The following SETD2 variants were observed in gnomAD, a reference collection of about 807,000 sequenced individuals.
SETD2 encodes the protein histone-lysine N-methyltransferase SETD2.
Under a neutral mutation model 242.1 loss-of-function variants are expected in SETD2, and 31 were observed. The ratio of observed to expected loss-of-function variants is 0.13; its 90% CI spans 0.10 to 0.17. SETD2 has a LOEUF of 0.17. SETD2 is among the 10% of genes least tolerant of loss of function. The pLI, the probability that SETD2 is intolerant of heterozygous loss-of-function variation, is 1.00. For synonymous variants in SETD2, 1,006 were observed against 1,066.5 expected (o/e 0.94, Z 1.11); for missense variants, 2,481 against 3,046.3 (o/e 0.81, Z 4.37).
chr3:47,038,130 T>A (rs534969391), intron 17 of SETD2, among the ~76,000 whole-genome samples: 1 of 152,322 alleles, frequency 6.6e-6, no homozygotes, highest in South Asian at 2.1e-4. Flanking sequence ...CCTGCCTATG[T>A]CACCCCTCTG....
intron 18 of SETD2, among the ~76,000 whole-genome samples, chr3:47,033,050 T>A (rs1431287170): frequency 6.6e-5 from 10 of 152,144 alleles, no homozygotes; most frequent in African/African-American, 1.2e-4. Context: ...AAAAAAAAAT[T>A]CAAAGGTTTC....
In SETD2 at chr3:47,114,196, T is replaced by C. The variant is rs1378323279; in HGVS notation, c.4587-192A>G. Among the ~76,000 whole-genome samples, 5 of 152,344 alleles carry C rather than the reference T, an allele frequency of 3.3e-5. No homozygotes were observed. In the East Asian group the frequency reaches 9.7e-4, roughly 29 times the overall value. The stretch of plus-strand genomic sequence containing the variant: ...GATTCCTTAGAACTGAGTATCTACA[T>C]TGTTACTTAAACAGATCATACCCAC... On this transcript the variant is annotated intron_variant, in intron 4 of 20. Coordinates refer to ENST00000409792, the MANE Select transcript of SETD2 (RefSeq NM_014159.7).
chr3:47,029,703 TTGGGGGTATTTGCTTAA>T lies in SETD2; in HGVS notation c.7350+7946_7350+7962del, dbSNP rs1227577641. Among the ~76,000 whole-genome samples the T allele has an allele frequency of 1.0e-3, 158 of 152,272 alleles. 1 individual carries two copies. Among genetic ancestry groups the T allele is most frequent in the African/African-American group, 3.5e-3 (146 of 41,564 alleles). On this transcript the variant is annotated intron_variant, in intron 18 of 20. Coordinates refer to ENST00000409792, the MANE Select transcript of SETD2 (RefSeq NM_014159.7). The stretch of plus-strand genomic sequence containing the variant: ...CTACAATAAAGCTACAAACTATGAT[TTGGGGGTATTTGCTTAA>T]GTATGAGATACTTGATAGGGGCTTT...
chr3:47,143,601 G>GTA (rs1464605230), intron 1 of SETD2, among the ~76,000 whole-genome samples: 1 of 152,090 alleles, frequency 6.6e-6, no homozygotes, highest in Non-Finnish European at 1.5e-5. Flanking sequence ...AATACTAACA[G>GTA]TATATAACTG....
intron 18 of SETD2, among the ~76,000 whole-genome samples, chr3:47,022,591 A>G (rs1466547963): frequency 6.6e-6 from 1 of 152,228 alleles, no homozygotes; most frequent in Non-Finnish European, 1.5e-5. Context: ...CCAGATCCTC[A>G]GCAATAAACA....
intron 1 of SETD2, among the ~76,000 whole-genome samples, chr3:47,144,858 C>T (rs928181237): frequency 4.0e-5 from 6 of 148,412 alleles, no homozygotes; most frequent in African/African-American, 7.5e-5. Flanking sequence ...GGCTGAGGTA[C>T]GAGAATCGCT....
chr3:47,116,149 G>GGGCCGGGCGCGGTGGC (rs2042844749), intron 4 of SETD2, among the ~76,000 whole-genome samples: 1 of 152,050 alleles, frequency 6.6e-6, no homozygotes, highest in Non-Finnish European at 1.5e-5. Flanking sequence ...GATTTTATCT[G>GGGCCGGGCGCGGTGGC]TATACATAAA....
chr3:47,059,483 A>ACG (rs2040242885), intron 14 of SETD2, among the ~76,000 whole-genome samples: 1 of 135,138 alleles, frequency 7.4e-6, no homozygotes, highest in Admixed American at 7.4e-5. Context: ...GCAGTGGCGT[A>ACG]ATCTCAGCTC....
chr3:47,126,152 C>G (rs2043319983), intron 2 of SETD2, among the ~76,000 whole-genome samples: 1 of 152,186 alleles, frequency 6.6e-6, no homozygotes, highest in Non-Finnish European at 1.5e-5. Context: ...GCCTCAGTCT[C>G]CTGAGTAGCT....
intron 1 of SETD2, among the ~76,000 whole-genome samples, chr3:47,156,222 AAATTTAT>A (rs1474397302): frequency 6.6e-6 from 1 of 152,214 alleles, no homozygotes; most frequent in Admixed American, 6.5e-5. Flanking sequence ...AGGGTTGAGA[AAATTTAT>A]TACAAATATC....
At chr3:47,026,679 T>A (rs1313724945) in intron 18 of SETD2, among the ~76,000 whole-genome samples, 1 of 147,728 alleles carries the variant, frequency 6.8e-6, no homozygotes, top group African/African-American at 2.5e-5. Context: ...CTGGAGACCA[T>A]CATTCTCAGC....
At position 47,117,288 on chromosome 3, in the gene SETD2, A is replaced by G. The variant is rs867251044; in HGVS notation, c.4455-534T>C. ...AAAAAAAAAAAAAAAAAACAAACAA[A>G]AAAAAAAACATGAGAAGGGCAACCT... is the stretch of plus-strand genomic sequence containing the variant. On this transcript the variant is annotated intron_variant, in intron 3 of 20. Transcript: ENST00000409792. Among the ~76,000 whole-genome samples, 6 of 147,334 alleles carry G rather than the reference A, an allele frequency of 4.1e-5. No homozygotes were observed. In the East Asian group the frequency reaches 1.2e-3, roughly 29 times the overall value.
At position 47,083,882 on chromosome 3, in the gene SETD2, G is replaced by A. The variant is rs766676601; in HGVS notation, c.5898C>T (p.Asn1966=). ...TAATAGGTTCTTCTAGTTTTGTGCC[G>A]TTGCTCTCTTTGGGCTCTATTTCAG... The part of the protein sequence containing the change: ...ADAEIEPKES[N]GTKLEEPINE... Residue 1966 remains asparagine (N), a synonymous_variant, in exon 12 of 21, where the codon AAC becomes AAT. Coordinates refer to ENST00000409792, the MANE Select transcript of SETD2 (RefSeq NM_014159.7). 17 of 1,613,982 alleles carry A rather than the reference G, an allele frequency of 1.1e-5. No individual in the cohort carries two copies. Among genetic ancestry groups the A allele is most frequent in the East Asian group, 6.7e-5 (3 of 44,890 alleles).
At chr3:47,020,956 C>G (rs1027481315) in intron 18 of SETD2, among the ~76,000 whole-genome samples, 1 of 152,124 alleles carries the variant, frequency 6.6e-6, no homozygotes, top group Non-Finnish European at 1.5e-5. Flanking sequence ...AAAAGCTTTA[C>G]GTATTTTCTA....
At chr3:47,068,651 C>T (rs1428776004) in intron 12 of SETD2, among the ~76,000 whole-genome samples, 1 of 152,110 alleles carries the variant, frequency 6.6e-6, no homozygotes, top group East Asian at 1.9e-4. Context: ...CACACACCAC[C>T]ATGCCCAGCT....
chr3:47,034,980 A>C lies in SETD2; in HGVS notation c.7350+2686T>G, dbSNP rs189412771. 2.0e-5 allele frequency among the ~76,000 whole-genome samples: 3 copies of C among 152,336 alleles called. No individual in the cohort carries two copies. In the East Asian group the frequency reaches 5.8e-4, roughly 29 times the overall value. ...ATTCAGGCATTGCCTTTTGGATATAATACTTTCAAGAGCCTACTCCCCAGG... is the reference window on the plus strand; with the variant it reads ...ATTCAGGCATTGCCTTTTGGATATACTACTTTCAAGAGCCTACTCCCCAGG... On this transcript the variant is annotated intron_variant, in intron 18 of 20. Transcript: ENST00000409792.
At chr3:47,129,182 A>AAAAAG (rs957483599) in intron 1 of SETD2, among the ~76,000 whole-genome samples, 53 of 152,218 alleles carry the variant, frequency 3.5e-4, no homozygotes, top group Admixed American at 1.3e-3. Flanking sequence ...GAAGTGTTTA[A>AAAAAG]AAAAGAAAAG....
At chr3:47,100,966 C>A (rs1462736478) in intron 8 of SETD2, among the ~76,000 whole-genome samples, 2 of 139,082 alleles carry the variant, frequency 1.4e-5, no homozygotes, top group African/African-American at 5.5e-5. Context: ...GCCAAGATCA[C>A]GCCACTGCAC....
In SETD2 at chr3:47,042,668, A is replaced by G. The variant is rs761683828; in HGVS notation, c.7131T>C (p.Asp2377=). ...SEMVVTNNLL[D]LPPPSPPKPK... ...GTTTGGGAGGAGAGGGGGGCGGCAG[A>G]TCCAAGAGATTATTTGTCACAACCA... The change falls in exon 17 of 21, where the codon GAT becomes GAC. Residue 2377 remains aspartate (D), a synonymous_variant. Coordinates refer to ENST00000409792, the MANE Select transcript of SETD2 (RefSeq NM_014159.7). The G allele has an allele frequency of 6.2e-7, 1 of 1,610,404 alleles. No homozygotes were observed. Among genetic ancestry groups the G allele is most frequent in the Non-Finnish European group, 8.5e-7 (1 of 1,178,886 alleles).
Sources: allele counts gnomAD v4.1 joint callset (sites outside exome capture counted in the v4.1 genomes callset), GRCh38; gene constraint gnomAD v4.1.1; transcripts MANE v1.5; gene names NCBI Gene and HGNC (gene_info 2026-07-23, HGNC 2026-07-21).